The following KIAA1614 variants were observed in gnomAD, a reference collection of about 807,000 sequenced individuals.
KIAA1614 encodes the protein uncharacterized protein KIAA1614.
In KIAA1614, 76 loss-of-function variants were observed where a neutral mutation model predicts 88.7. The observed-to-expected ratio is 0.86, with a 90% CI of 0.71 to 1.04. The LOEUF is 1.04. Among genes scored for constraint, KIAA1614 ranks in the 50% least tolerant of loss-of-function variants. The probability of loss-of-function intolerance (pLI) is 0.00; values close to 1 mark genes in which losing one functional copy is unlikely to be tolerated. For missense variants in KIAA1614, 1,553 were observed against 1,582.5 expected, an observed-to-expected ratio of 0.98 and a Z score of 0.32; for synonymous variants, 714 against 675.5, an observed-to-expected ratio of 1.06 and a Z score of -0.88.
rs1654723697 is a variant in KIAA1614, at chr1:180,951,403, G to A, written c.*5815G>A. The A allele has an allele frequency of 6.6e-6, 1 of 152,162 alleles. No individual in the cohort carries two copies. Among genetic ancestry groups the A allele is most frequent in the African/African-American group, 2.4e-5 (1 of 41,436 alleles). The allele number at this position is 152,162 out of a possible 1,614,324, so 9.4% of individuals were successfully genotyped here. A position where few individuals can be genotyped will look rare whatever the true frequency, so the allele number is the denominator to read the frequency against. On this transcript the variant is annotated 3_prime_UTR_variant, in exon 9 of 9. Transcript: ENST00000367588. ...CAGCTTGGAGACAGGGCTGCGGCAGGTGCCTGGCCATCACAGCTGCATGCT... is the reference window on the plus strand; with the variant it reads ...CAGCTTGGAGACAGGGCTGCGGCAGATGCCTGGCCATCACAGCTGCATGCT...
rs759114914 is a variant in KIAA1614, at chr1:180,936,323, G to A, written c.2414G>A (p.Gly805Asp). 1.9e-6 allele frequency: 3 copies of A among 1,614,146 alleles called. No individual in the cohort carries two copies. The highest frequency in any genetic ancestry group is 1.7e-5 in the Admixed American group (1 of 60,024). The change falls in exon 5 of 9, where the codon GGC becomes GAC. Residue 805 changes from glycine (G) to aspartate (D), a missense_variant. Gly to Asp is a moderately conservative substitution (Grantham distance 94, BLOSUM62 -1). Coordinates refer to ENST00000367588, the MANE Select transcript of KIAA1614 (RefSeq NM_020950.2). ...WQPTASLCPEGWAPTPPPSRK... is the reference protein window; with the variant it reads ...WQPTASLCPEDWAPTPPPSRK... ...CCAACAGCTTCCTTGTGTCCTGAAGGCTGGGCGCCAACCCCTCCCCCTTCG... is the reference window on the plus strand; with the variant it reads ...CCAACAGCTTCCTTGTGTCCTGAAGACTGGGCGCCAACCCCTCCCCCTTCG...
rs375550281 is a variant in KIAA1614 at position 180,945,842 on chromosome 1, T to A, written c.*254T>A. The A allele has an allele frequency of 8.0e-6, 10 of 1,254,066 alleles. No homozygotes were observed. The East Asian group carries it at 3.8e-4, about 48-fold the overall frequency. 77.7% of individuals were successfully genotyped at this position (1,254,066 alleles called of 1,614,324 possible). On this transcript the variant is annotated 3_prime_UTR_variant, in exon 9 of 9. Coordinates refer to ENST00000367588, the MANE Select transcript of KIAA1614 (RefSeq NM_020950.2). ...AGCTTAGGCCGGGCGCAGTGGCTCA[T>A]GCCTGTAATCCCAGAACTTTGGGAG...
rs201999726 is a variant in KIAA1614 at position 180,943,548 on chromosome 1, A to ATTTTTTTTTTTTT, written c.3160-840_3160-839insTTTTTTTTTTTTT. ...GGATTGTAGGATTGAATGGTAGTAG[A>ATTTTTTTTTTTTT]TCTTTTTTTTTTTTTTTTGAGACAG... On this transcript the variant is annotated intron_variant, in intron 7 of 8. Coordinates refer to ENST00000367588, the MANE Select transcript of KIAA1614 (RefSeq NM_020950.2). Among the ~76,000 whole-genome samples, 94 of 74,858 alleles carry ATTTTTTTTTTTTT rather than the reference A, an allele frequency of 1.3e-3. 14 individuals are homozygous for ATTTTTTTTTTTTT. The highest frequency in any genetic ancestry group is 8.1e-3 in the Middle Eastern group (1 of 124). The allele number at this position is 74,858 out of a possible 152,430, so 49.1% of individuals were successfully genotyped here.
In KIAA1614 at chr1:180,945,755, G is replaced by A. The variant is rs1654577472; in HGVS notation, c.*167G>A. On this transcript the variant is annotated 3_prime_UTR_variant, in exon 9 of 9. Coordinates refer to ENST00000367588, the MANE Select transcript of KIAA1614 (RefSeq NM_020950.2). ...CGTTGGTGGGGAGTGTGCGGGAGGG[G>A]GTAGAGTTGGCAGGTTTGACTCCAC... 7.3e-7 allele frequency: 1 copy of A among 1,366,664 alleles called. No individual in the cohort carries two copies. The highest frequency in any genetic ancestry group is 9.3e-7 in the Non-Finnish European group (1 of 1,070,366). The allele number at this position is 1,366,664 out of a possible 1,614,324, so 84.7% of individuals were successfully genotyped here. A position where few individuals can be genotyped will look rare whatever the true frequency, so the allele number is the denominator to read the frequency against.
At chr1:180,916,074 A>G in intron 1 of KIAA1614, 80 bp from the exon 2 acceptor site, 2 of 1,057,998 alleles carry the variant, frequency 1.9e-6, no homozygotes, top group Non-Finnish European at 2.7e-6. Flanking sequence ...ACTCAACGCC[A>G]AGACACTTTG....
intron 3 of KIAA1614, among the ~76,000 whole-genome samples, chr1:180,919,545 G>C (rs1268430950): frequency 6.6e-6 from 1 of 152,150 alleles, no homozygotes; most frequent in African/African-American, 2.4e-5. Flanking sequence ...CTTCTGCAGA[G>C]GTGGTGCCGC....
chr1:180,937,174 T>C (rs941259784), intron 5 of KIAA1614, among the ~76,000 whole-genome samples: 4 of 152,284 alleles, frequency 2.6e-5, no homozygotes, highest in African/African-American at 9.6e-5. Flanking sequence ...TCCTTCCGCA[T>C]TGGCTGAGCA....
At chr1:180,936,783 A>G in intron 5 of KIAA1614, 113 bp downstream of exon 5, 1 of 672,856 alleles carries the variant, frequency 1.5e-6, no homozygotes. Flanking sequence ...TTTTATCTCA[A>G]TAGTCAGATG....
chr1:180,913,370 G>A (rs1447153684), intron 1 of KIAA1614, 77 bp downstream of exon 1: 1 of 1,011,978 alleles, frequency 9.9e-7, no homozygotes. Context: ...GGGGAGCCCA[G>A]GTCGCCCCGG....
At chr1:180,941,006 G>GGGCCA in intron 6 of KIAA1614, 39 bp from the exon 7 acceptor site, 1 of 908,444 alleles carries the variant, frequency 1.1e-6, no homozygotes, top group Non-Finnish European at 1.5e-6. Context: ...CACCCTCCCG[G>GGGCCA]CCCTCCCCCG....
intron 3 of KIAA1614, among the ~76,000 whole-genome samples, chr1:180,923,991 G>A (rs1192175813): frequency 6.6e-6 from 1 of 151,712 alleles, no homozygotes; most frequent in African/African-American, 2.4e-5. Flanking sequence ...AAAATTAAAT[G>A]TAACCACTCA....
Position 180,928,555 on chromosome 1 carries a change from C to T in KIAA1614, c.1187C>T (p.Thr396Ile), listed in dbSNP as rs774329673. Residue 396 changes from threonine (T) to isoleucine (I), a missense_variant, in exon 4 of 9, where the codon ACC becomes ATC. Coordinates refer to ENST00000367588, the MANE Select transcript of KIAA1614 (RefSeq NM_020950.2). ...PLRASHDIVP[T>I]ITQGSRDGHR... ...CGTGCCAGCCATGACATCGTGCCCACCATTACCCAGGGCAGCCGGTGAGTG... is the reference window on the plus strand; with the variant it reads ...CGTGCCAGCCATGACATCGTGCCCATCATTACCCAGGGCAGCCGGTGAGTG... 1 of 1,612,638 alleles carries T rather than the reference C, an allele frequency of 6.2e-7. No individual in the cohort carries two copies. The highest frequency in any genetic ancestry group is 1.1e-5 in the South Asian group (1 of 91,050).
chr1:180,919,103 A>G (rs1653889539), intron 3 of KIAA1614, among the ~76,000 whole-genome samples: 1 of 152,102 alleles, frequency 6.6e-6, no homozygotes, highest in South Asian at 2.1e-4. Flanking sequence ...TGACACCCTC[A>G]CACTGGGGAT....
chr1:180,924,886 A>AAATAATAATAGT, intron 3 of KIAA1614, among the ~76,000 whole-genome samples: 1 of 142,634 alleles, frequency 7.0e-6, no homozygotes, highest in African/African-American at 2.5e-5. Flanking sequence ...GCTAATGATA[A>AAATAATAATAGT]AATAATAATA....
intron 3 of KIAA1614, among the ~76,000 whole-genome samples, chr1:180,922,755 G>T (rs974774976): frequency 6.6e-6 from 1 of 152,160 alleles, no homozygotes; most frequent in African/African-American, 2.4e-5. Flanking sequence ...TTTCCCACCC[G>T]CCAAGCAATT....
At position 180,916,302 on chromosome 1, in the gene KIAA1614, C is replaced by T. The variant is rs1571281035; in HGVS notation, c.199C>T (p.Pro67Ser). The T allele has an allele frequency of 6.2e-7, 1 of 1,613,980 alleles. No homozygotes were observed. The highest frequency in any genetic ancestry group is 1.3e-5 in the African/African-American group (1 of 75,042). The stretch of plus-strand genomic sequence containing the variant: ...AAACAGAACATCCAGCCTGATGGCC[C>T]CCCAGCCTCCCAGGGTATGGGGAGT... ...QENRTSSLMA[P>S]QPPRVWGVQL... The change falls in exon 2 of 9, where the codon CCC becomes TCC. Residue 67 changes from proline to serine, a missense_variant. Physicochemically the swap from Pro to Ser is moderately conservative, Grantham distance 74 (BLOSUM62 -1). Transcript: ENST00000367588.
Position 180,913,100 on chromosome 1 carries a change from C to T in KIAA1614, c.-144C>T. On this transcript the variant is annotated 5_prime_UTR_variant, in exon 1 of 9. Coordinates refer to ENST00000367588, the MANE Select transcript of KIAA1614 (RefSeq NM_020950.2). ...GGCCCGGCCTCGGCGCCGTCCCGGA[C>T]CCCCAGTCGGCCGCGCCCCGAGGGG... 3 of 499,882 alleles carry T rather than the reference C, an allele frequency of 6.0e-6. No individual in the cohort carries two copies. The highest frequency in any genetic ancestry group is 7.8e-5 in the East Asian group (2 of 25,764). 31.0% of individuals were successfully genotyped at this position (499,882 alleles called of 1,614,324 possible).
At chr1:180,943,415 A>G (rs1389956098) in intron 7 of KIAA1614, among the ~76,000 whole-genome samples, 3 of 116,890 alleles carry the variant, frequency 2.6e-5, no homozygotes, top group African/African-American at 9.7e-5. Context: ...TTGTGCTGTT[A>G]TATACATGTG....
In KIAA1614 at chr1:180,916,299, G is replaced by A. The variant is rs1653795464; in HGVS notation, c.196G>A (p.Ala66Thr). The A allele has an allele frequency of 6.2e-7, 1 of 1,613,666 alleles. No homozygotes were observed. Among genetic ancestry groups the A allele is most frequent in the Admixed American group, 1.7e-5 (1 of 59,986 alleles). The stretch of plus-strand genomic sequence containing the variant: ...GGAAAACAGAACATCCAGCCTGATG[G>A]CCCCCCAGCCTCCCAGGGTATGGGG... ...PQENRTSSLM[A>T]PQPPRVWGVQ... is the part of the protein sequence containing the mutation. Residue 66 changes from alanine (A) to threonine (T), a missense_variant, in exon 2 of 9, where the codon GCC (alanine) becomes ACC (threonine). By Grantham distance (58) the Ala-to-Thr change is moderately conservative (BLOSUM62 0). Transcript: ENST00000367588.
Sources: allele counts gnomAD v4.1 joint callset (sites outside exome capture counted in the v4.1 genomes callset), GRCh38; gene constraint gnomAD v4.1.1; transcripts MANE v1.5; gene names NCBI Gene and HGNC (gene_info 2026-07-23, HGNC 2026-07-21).